ROBO1: variants seen among roughly 807,000 people sequenced by gnomAD.
ROBO1 encodes roundabout guidance receptor 1, also known as roundabout homolog 1.
Under a neutral mutation model 195.9 loss-of-function variants are expected in ROBO1, and 149 were observed. The observed-to-expected ratio is 0.76, with a 90% confidence interval of 0.67 to 0.87. The LOEUF is 0.87. ROBO1 is among the 40% of genes least tolerant of loss of function. The pLI is 0.00. For synonymous variants in ROBO1, 816 were observed against 733.2 expected, an observed-to-expected ratio of 1.11 and a Z score of -1.82; for missense variants, 1,933 against 2,068.3, an observed-to-expected ratio of 0.93 and a Z score of 1.27.
At chr3:79,375,670 G>A (rs1192658329) in intron 2 of ROBO1, among the ~76,000 whole-genome samples, 22 of 152,152 alleles carry the variant, frequency 1.4e-4, no homozygotes, top group Non-Finnish European at 5.9e-5. Flanking sequence ...AAATATCCCT[G>A]GAGGAGATGA....
chr3:79,388,540 C>T (rs1319011612), intron 2 of ROBO1, among the ~76,000 whole-genome samples: 1 of 151,628 alleles, frequency 6.6e-6, no homozygotes, highest in Non-Finnish European at 1.5e-5. Context: ...TTAAAAATAA[C>T]GAATGAACTA....
chr3:79,705,638 T>C (rs562271222), intron 1 of ROBO1, among the ~76,000 whole-genome samples: 1 of 152,234 alleles, frequency 6.6e-6, no homozygotes, highest in Non-Finnish European at 1.5e-5. Flanking sequence ...ATTTTCTTTC[T>C]TTTTTATAGT....
chr3:79,479,145 A>G (rs1938698332), intron 2 of ROBO1, among the ~76,000 whole-genome samples: 1 of 152,174 alleles, frequency 6.6e-6, no homozygotes, highest in Admixed American at 6.5e-5. Context: ...ATGATAATGG[A>G]ATGTAAATCA....
chr3:79,455,401 A>C (rs528977789), intron 2 of ROBO1, among the ~76,000 whole-genome samples: 34 of 152,202 alleles, frequency 2.2e-4, no homozygotes, highest in Admixed American at 1.4e-3. Context: ...TTTTAAAAAA[A>C]GAAGTTAAAT....
chr3:79,067,524 G>A (rs1350104), intron 3 of ROBO1, among the ~76,000 whole-genome samples: 147,171 of 152,074 alleles, frequency 0.97, 71,394 homozygotes, highest in East Asian at 1. Flanking sequence ...ACTTAGGGCA[G>A]CTTATTCAAC....
chr3:78,909,876 T>C (rs1281292512), intron 4 of ROBO1, among the ~76,000 whole-genome samples: 1 of 151,758 alleles, frequency 6.6e-6, no homozygotes, highest in East Asian at 1.9e-4. Flanking sequence ...TTAATAACCA[T>C]GAATATTTTT....
In ROBO1 at chr3:78,651,599, C is replaced by T. The variant is rs191185590; in HGVS notation, c.2812+133G>A. The T allele has an allele frequency of 2.5e-3, 1,539 of 613,758 alleles. 14 individuals carry two copies. The highest frequency in any genetic ancestry group is 2.8e-3 in the Non-Finnish European group (1,071 of 377,156). The allele number at this position is 613,758 out of a possible 1,614,324, so 38.0% of individuals were successfully genotyped here. ...TATGTGGATACCGCAGCACAATAAA[C>T]GCACTTTTGAAAATCTTTATATATT... is the stretch of plus-strand genomic sequence containing the variant. On this transcript the variant is annotated intron_variant, in intron 19 of 30. Transcript: ENST00000464233.
chr3:78,696,639 TATATATATATATACAC>T (rs971176188), intron 8 of ROBO1, among the ~76,000 whole-genome samples: 5 of 143,740 alleles, frequency 3.5e-5, no homozygotes, highest in African/African-American at 1.3e-4. Context: ...TACATGCATA[TATATATATATATACAC>T]ATATATATAC....
chr3:79,675,690 GA>G (rs1440090785), intron 1 of ROBO1, among the ~76,000 whole-genome samples: 3 of 152,042 alleles, frequency 2.0e-5, no homozygotes, highest in South Asian at 2.1e-4. Flanking sequence ...GAAAATGGGG[GA>G]AAAACAGGTT....
chr3:79,357,600 T>A (rs1445140787), intron 2 of ROBO1, among the ~76,000 whole-genome samples: 1 of 152,146 alleles, frequency 6.6e-6, no homozygotes, highest in African/African-American at 2.4e-5. Context: ...ACAGAGAGGG[T>A]ACATATACAT....
At chr3:79,313,186 C>CAAA (rs61113124) in intron 2 of ROBO1, among the ~76,000 whole-genome samples, 8 of 90,084 alleles carry the variant, frequency 8.9e-5, no homozygotes, top group East Asian at 3.5e-4. Context: ...GACTCCATCT[C>CAAA]AAAAAAAAAA....
chr3:78,754,354 C>CA (rs745773400), intron 4 of ROBO1, among the ~76,000 whole-genome samples: 8 of 152,124 alleles, frequency 5.3e-5, no homozygotes, highest in Non-Finnish European at 1.2e-4. Context: ...TAAAAAAACA[C>CA]AGACAAAATG....
chr3:79,190,901 C>T (rs2081528627), intron 2 of ROBO1, among the ~76,000 whole-genome samples: 1 of 151,468 alleles, frequency 6.6e-6, no homozygotes, highest in Non-Finnish European at 1.5e-5. Flanking sequence ...TAAATCTTCC[C>T]TTTAAGCTGT....
chr3:79,624,244 C>T (rs373362820), intron 1 of ROBO1, among the ~76,000 whole-genome samples: 30 of 151,966 alleles, frequency 2.0e-4, no homozygotes, highest in Middle Eastern at 3.4e-3. Context: ...TTCAAAAAAA[C>T]GGCAAAATAT....
At chr3:79,695,293 T>C (rs1337387840) in intron 1 of ROBO1, among the ~76,000 whole-genome samples, 1 of 151,734 alleles carries the variant, frequency 6.6e-6, no homozygotes, top group East Asian at 1.9e-4. Flanking sequence ...TGGTACTAAT[T>C]ACTTATTTGT....
intron 3 of ROBO1, among the ~76,000 whole-genome samples, chr3:79,032,050 C>T (rs1237963617): frequency 4.6e-5 from 7 of 151,976 alleles, no homozygotes; most frequent in East Asian, 1.9e-4. Flanking sequence ...AATGTATATA[C>T]TTATGTGTCA....
At chr3:78,602,225 G>A (rs1420467731) in intron 29 of ROBO1, among the ~76,000 whole-genome samples, 1 of 152,008 alleles carries the variant, frequency 6.6e-6, no homozygotes, top group East Asian at 1.9e-4. Context: ...TTGATGATAG[G>A]TGAGCTCTTG....
At chr3:78,963,604 C>T (rs2041516438) in intron 3 of ROBO1, among the ~76,000 whole-genome samples, 1 of 147,320 alleles carries the variant, frequency 6.8e-6, no homozygotes, top group African/African-American at 2.5e-5. Context: ...CTGCAAGCTC[C>T]GCCTCCCGGG....
At chr3:78,978,542 T>C (rs1431782749) in intron 3 of ROBO1, among the ~76,000 whole-genome samples, 1 of 152,028 alleles carries the variant, frequency 6.6e-6, no homozygotes, top group African/African-American at 2.4e-5. Flanking sequence ...AAGTAGGTAA[T>C]ATTATCCTCA....
Sources: gnomAD v4.1 joint callset for allele counts (sites outside exome capture counted in the v4.1 genomes callset) on GRCh38, gnomAD v4.1.1 for gene constraint, MANE v1.5 for transcripts, NCBI Gene and HGNC (gene_info 2026-07-23, HGNC 2026-07-21) for gene names.